PDS5B: variants seen among roughly 807,000 people sequenced by gnomAD.
PDS5B encodes the protein sister chromatid cohesion protein PDS5 homolog B.
A neutral mutation model predicts 184.1 loss-of-function variants in PDS5B; 51 were observed. The observed-to-expected ratio is 0.28, with a 90% CI of 0.22 to 0.35. The LOEUF (loss-of-function observed/expected upper bound fraction) is 0.35, where lower values mean the gene tolerates loss of function less well. Among genes scored for constraint, PDS5B ranks in the 10% least tolerant of loss-of-function variants. The pLI is 1.00. For missense variants in PDS5B, 1,180 were observed against 1,723.3 expected (o/e 0.68, Z 5.58); for synonymous variants, 566 against 569.2 (o/e 0.99, Z 0.08).
chr13:32,661,385 C>CAAAAAAAAAAAAAAAAAAAAAAAA (rs747985772), intron 6 of PDS5B, among the ~76,000 whole-genome samples: 17 of 31,986 alleles, frequency 5.3e-4, no homozygotes, highest in East Asian at 1.5e-3. Flanking sequence ...GACTCTGTCT[C>CAAAAAAAAAAAAAAAAAAAAAAAA]AAAAAAAAAA....
At chr13:32,632,484 G>A (rs2058473678) in intron 1 of PDS5B, among the ~76,000 whole-genome samples, 1 of 152,144 alleles carries the variant, frequency 6.6e-6, no homozygotes, top group Non-Finnish European at 1.5e-5. Context: ...CTACTAGGAT[G>A]GCTATAAAAA....
At chr13:32,597,595 G>T (rs1465516077) in intron 1 of PDS5B, among the ~76,000 whole-genome samples, 1 of 149,070 alleles carries the variant, frequency 6.7e-6, no homozygotes, top group Non-Finnish European at 1.5e-5. Flanking sequence ...GGAGGCTGAG[G>T]CCGAGGGGGG....
intron 10 of PDS5B, among the ~76,000 whole-genome samples, chr13:32,679,927 A>G (rs1951191126): frequency 8.3e-6 from 1 of 121,004 alleles, no homozygotes; most frequent in Admixed American, 8.3e-5. Context: ...CTGTTTCTAC[A>G]CCTCCCCTTT....
chr13:32,741,128 T>G lies in PDS5B; in HGVS notation c.2455T>G (p.Ser819Ala), dbSNP rs756866518. The G allele has an allele frequency of 3.2e-6, 5 of 1,570,540 alleles. No individual in the cohort carries two copies. Among genetic ancestry groups the G allele is most frequent in the Non-Finnish European group, 4.4e-6 (5 of 1,144,192 alleles). Residue 819 changes from serine to alanine, a missense_variant, in exon 22 of 35, where the codon TCT becomes GCT. Physicochemically the swap from Ser to Ala is moderately conservative, Grantham distance 99. This residue lies in a region of PDS5B where 475 missense variants were observed against 691.5 expected (regional missense o/e 0.69). Coordinates refer to ENST00000315596, the MANE Select transcript of PDS5B (RefSeq NM_015032.4). ...TKLWVPDEEV[S>A]PETMVKIQAI... ...ACTTTGGGTTCCAGATGAAGAAGTA[T>G]CTCCTGAGACAATGGTCAAAGTGAG...
In PDS5B at chr13:32,658,270, A is replaced by C; in HGVS notation, c.344A>C (p.Lys115Thr). 6.6e-7 allele frequency: 1 copy of C among 1,507,620 alleles called. No individual in the cohort carries two copies. Among genetic ancestry groups the C allele is most frequent in the Non-Finnish European group, 9.2e-7 (1 of 1,090,370 alleles). The allele number at this position is 1,507,620 out of a possible 1,614,324, so 93.4% of individuals were successfully genotyped here. Residue 115 changes from lysine to threonine, a missense_variant, in exon 4 of 35, where the codon AAG becomes ACG. Physicochemically the swap from Lys to Thr is moderately conservative, Grantham distance 78. Around this residue, in one of 11 missense-constraint regions of PDS5B, gnomAD observed 22 missense variants for 46.8 expected, o/e 0.47. Coordinates refer to ENST00000315596, the MANE Select transcript of PDS5B (RefSeq NM_015032.4). Reference protein sequence around the residue: ...DIFMFITRQLKGLEDTKSPQF... With the variant: ...DIFMFITRQLTGLEDTKSPQF... ...TTTATGTTTATAACAAGACAGTTGA[A>C]GGGGCTAGAGGATACAAAGAGCCCA...
At chr13:32,679,648 A>AT (rs1566318547) in intron 10 of PDS5B, among the ~76,000 whole-genome samples, 25 of 103,950 alleles carry the variant, frequency 2.4e-4, no homozygotes, top group African/African-American at 6.1e-4. Context: ...CAAAAAAAAA[A>AT]AAAAAATAAA....
At chr13:32,711,791 C>T (rs1036284705) in intron 19 of PDS5B, among the ~76,000 whole-genome samples, 1 of 152,184 alleles carries the variant, frequency 6.6e-6, no homozygotes, top group African/African-American at 2.4e-5. Context: ...GTCGCACACA[C>T]ATATGTAGTA....
chr13:32,659,967 C>G (rs1265155548), intron 6 of PDS5B, among the ~76,000 whole-genome samples: 2 of 152,118 alleles, frequency 1.3e-5, no homozygotes, highest in Admixed American at 6.5e-5. Flanking sequence ...AAATTCCAAA[C>G]TCTTAAAGAA....
intron 19 of PDS5B, among the ~76,000 whole-genome samples, chr13:32,710,462 G>A (rs1293926641): frequency 6.6e-6 from 1 of 152,056 alleles, no homozygotes; most frequent in East Asian, 1.9e-4. Context: ...TGTGATTTAG[G>A]GCTGAAACAA....
chr13:32,704,399 C>A (rs1951947784), intron 17 of PDS5B, among the ~76,000 whole-genome samples: 1 of 152,166 alleles, frequency 6.6e-6, no homozygotes, highest in Non-Finnish European at 1.5e-5. Flanking sequence ...GAACTCCTGG[C>A]CTCAAGTGAT....
At chr13:32,768,244 G>C (rs953059074) in intron 31 of PDS5B, among the ~76,000 whole-genome samples, 21 of 152,142 alleles carry the variant, frequency 1.4e-4, no homozygotes, top group Non-Finnish European at 2.9e-4. Context: ...GTCTTCCTGG[G>C]TTACAGATGC....
chr13:32,592,128 T>A (rs1054121843), intron 1 of PDS5B, among the ~76,000 whole-genome samples: 13 of 152,322 alleles, frequency 8.5e-5, no homozygotes, highest in African/African-American at 3.1e-4. Context: ...CACTTCTCCC[T>A]CCCACCTTCA....
intron 17 of PDS5B, among the ~76,000 whole-genome samples, 180 bp from the exon 18 acceptor site, chr13:32,706,754 G>GA (rs2140885446): frequency 6.6e-6 from 1 of 152,288 alleles, no homozygotes; most frequent in African/African-American, 2.4e-5. Context: ...AATTGTTTTT[G>GA]AAAAGAAGCA....
chr13:32,750,598 G>A (rs1480408291), intron 24 of PDS5B, among the ~76,000 whole-genome samples: 14 of 151,790 alleles, frequency 9.2e-5, no homozygotes, highest in African/African-American at 3.4e-4. Flanking sequence ...CTGGAGTGCA[G>A]TGGTGTGATC....
At chr13:32,714,016 CA>C in intron 19 of PDS5B, among the ~76,000 whole-genome samples, 1 of 152,216 alleles carries the variant, frequency 6.6e-6, no homozygotes, top group Non-Finnish European at 1.5e-5. Flanking sequence ...CCAGGGGAGA[CA>C]TCACAAATTG....
intron 30 of PDS5B, among the ~76,000 whole-genome samples, chr13:32,762,352 T>C (rs1297426292): frequency 1.3e-5 from 2 of 152,184 alleles, no homozygotes; most frequent in Non-Finnish European, 2.9e-5. Flanking sequence ...TAGGTGACAT[T>C]CTATGAAATC....
chr13:32,679,996 A>G (rs1011971712), intron 10 of PDS5B, among the ~76,000 whole-genome samples: 7 of 151,548 alleles, frequency 4.6e-5, no homozygotes. Context: ...TTGTGTTGCT[A>G]ATACAGTATT....
intron 1 of PDS5B, among the ~76,000 whole-genome samples, chr13:32,605,683 G>A (rs1041718972): frequency 2.0e-5 from 3 of 152,174 alleles, no homozygotes; most frequent in South Asian, 4.1e-4. Flanking sequence ...AAAGTCTCCC[G>A]TTATTATTGT....
intron 1 of PDS5B, among the ~76,000 whole-genome samples, chr13:32,601,656 G>T (rs9595893): frequency 0.34 from 51,443 of 152,034 alleles, 8,944 homozygotes; most frequent in Non-Finnish European, 0.38. Context: ...TGTAATTGTT[G>T]GTCTCAACTG....
Sources: allele counts gnomAD v4.1 joint callset (sites outside exome capture counted in the v4.1 genomes callset), GRCh38; gene constraint gnomAD v4.1.1; regional missense constraint gnomAD v4.1.1; transcripts MANE v1.5; gene names NCBI Gene and HGNC (gene_info 2026-07-23, HGNC 2026-07-21).